TM4SF5: variants seen among roughly 807,000 people sequenced by gnomAD.
TM4SF5 encodes the protein transmembrane 4 L six family member 5.
A neutral mutation model predicts 22.3 loss-of-function variants in TM4SF5; 16 were observed. That is an observed-to-expected ratio of 0.72 (90% CI 0.49 to 1.09). The LOEUF (loss-of-function observed/expected upper bound fraction) is 1.09, where lower values mean the gene tolerates loss of function less well. Ranked by LOEUF, TM4SF5 falls within the 50% of genes least tolerant of loss-of-function variation. TM4SF5 has a pLI of 0.00. For synonymous variants in TM4SF5, 113 were observed against 109.6 expected (o/e 1.03, Z -0.19); for missense variants, 249 against 266.1 (o/e 0.94, Z 0.45).
At chr17:4,773,195 G>T (rs551018490) in intron 1 of TM4SF5, among the ~76,000 whole-genome samples, 103 of 151,852 alleles carry the variant, frequency 6.8e-4, no homozygotes, top group South Asian at 1.7e-3. Flanking sequence ...GTGAGCCACC[G>T]CCCCAGCTTA....
chr17:4,782,442 G>C, intron 2 of TM4SF5, 61 bp from the exon 3 acceptor site: 4 of 1,597,142 alleles, frequency 2.5e-6, no homozygotes, highest in Non-Finnish European at 3.4e-6. Context: ...GGCTGGCGCT[G>C]AGCGTCGTCA....
intron 1 of TM4SF5, 54 bp downstream of exon 1, chr17:4,772,153 G>T (rs1395251419): frequency 1.9e-6 from 3 of 1,601,926 alleles, no homozygotes; most frequent in Non-Finnish European, 2.6e-6. Flanking sequence ...CACCTAAGGG[G>T]TTCTGAACAG....
chr17:4,782,160 G>C (rs949658302), intron 2 of TM4SF5, among the ~76,000 whole-genome samples: 11 of 150,350 alleles, frequency 7.3e-5, no homozygotes, highest in Non-Finnish European at 1.6e-4. Context: ...GCAGTGGTGC[G>C]ATCTCGGCTC....
chr17:4,778,399 G>C (rs965875786), intron 1 of TM4SF5, among the ~76,000 whole-genome samples: 3 of 152,110 alleles, frequency 2.0e-5, no homozygotes, highest in African/African-American at 7.2e-5. Context: ...AGGATTGCTT[G>C]AGCCCAGGAG....
At chr17:4,781,074 G>A (rs577428376) in intron 2 of TM4SF5, among the ~76,000 whole-genome samples, 87 of 151,596 alleles carry the variant, frequency 5.7e-4, no homozygotes, top group African/African-American at 2.0e-3. Flanking sequence ...CGGCTACTTG[G>A]GAGGCTGAGG....
intron 1 of TM4SF5, among the ~76,000 whole-genome samples, chr17:4,776,916 T>A (rs932646751): frequency 6.6e-6 from 1 of 152,124 alleles, no homozygotes; most frequent in Non-Finnish European, 1.5e-5. Context: ...AAGACCAAAC[T>A]GAGCTGGGCG....
intron 1 of TM4SF5, among the ~76,000 whole-genome samples, chr17:4,774,256 G>GAC (rs1204328072): frequency 6.6e-6 from 1 of 151,108 alleles, no homozygotes; most frequent in Non-Finnish European, 1.5e-5. Flanking sequence ...ATATCACAGG[G>GAC]ACACAGACAG....
At chr17:4,782,123 G>A (rs372628982) in intron 2 of TM4SF5, among the ~76,000 whole-genome samples, 20 of 150,472 alleles carry the variant, frequency 1.3e-4, no homozygotes, top group African/African-American at 2.9e-4. Flanking sequence ...TTGAGACGGG[G>A]TCTGGCTCTG....
At chr17:4,782,733 C>T in intron 3 of TM4SF5, 94 bp downstream of exon 3, 1 of 1,577,750 alleles carries the variant, frequency 6.3e-7, no homozygotes, top group Non-Finnish European at 8.6e-7. Context: ...GACTCGACTT[C>T]GAGGGCACTC....
At chr17:4,773,018 C>T (rs1372506035) in intron 1 of TM4SF5, among the ~76,000 whole-genome samples, 2 of 152,176 alleles carry the variant, frequency 1.3e-5, no homozygotes, top group Non-Finnish European at 2.9e-5. Context: ...AATTCTCCTG[C>T]CTCAGCCTCC....
At chr17:4,782,777 C>A (rs1260971793) in intron 3 of TM4SF5, 77 bp from the exon 4 acceptor site, 38 of 1,573,490 alleles carry the variant, frequency 2.4e-5, no homozygotes, top group Admixed American at 5.3e-5. Context: ...TTAGCAAATC[C>A]CCTGGGACGT....
At chr17:4,780,988 A>G in intron 2 of TM4SF5, 119 bp downstream of exon 2, 2 of 808,118 alleles carry the variant, frequency 2.5e-6, no homozygotes, top group Non-Finnish European at 2.0e-6. Context: ...AGACCAGCCC[A>G]GGAAACATGG....
chr17:4,780,753 G>C (rs747268352), intron 1 of TM4SF5, 36 bp from the exon 2 acceptor site: 4 of 1,572,826 alleles, frequency 2.5e-6, no homozygotes, highest in Non-Finnish European at 3.5e-6. Context: ...GGAGGATCTG[G>C]GGGGACGTGC....
At chr17:4,777,410 CA>C (rs1917227076) in intron 1 of TM4SF5, among the ~76,000 whole-genome samples, 1 of 152,066 alleles carries the variant, frequency 6.6e-6, no homozygotes. Flanking sequence ...GCACATACTA[CA>C]AAGGGAAGCA....
intron 1 of TM4SF5, among the ~76,000 whole-genome samples, chr17:4,775,364 T>C (rs548252172): frequency 2.6e-5 from 4 of 151,872 alleles, no homozygotes; most frequent in Admixed American, 2.6e-4. Flanking sequence ...GTTCACGCCA[T>C]TCTCCTGCCT....
intron 1 of TM4SF5, among the ~76,000 whole-genome samples, chr17:4,776,082 C>T (rs1158054249): frequency 1.3e-5 from 2 of 151,968 alleles, no homozygotes; most frequent in Non-Finnish European, 2.9e-5. Context: ...CTCCCGACCT[C>T]AGGTGATCCA....
At chr17:4,776,536 A>C (rs1288862268) in intron 1 of TM4SF5, among the ~76,000 whole-genome samples, 1 of 152,118 alleles carries the variant, frequency 6.6e-6, no homozygotes, top group Non-Finnish European at 1.5e-5. Context: ...TCCCAACCTT[A>C]GGTGATCCGC....
chr17:4,782,435 T>C, intron 2 of TM4SF5, 68 bp from the exon 3 acceptor site: 1 of 1,583,288 alleles, frequency 6.3e-7, no homozygotes, highest in Non-Finnish European at 8.6e-7. Context: ...GCGTGGGGGC[T>C]GGCGCTGAGC....
rs1264908921 is a variant in TM4SF5 at position 4,772,041 on chromosome 17, C to G, written c.119C>G (p.Thr40Ser). ...VPNGETSWTN[T>S]NHLSLQVWLM... ...AATGGGGAGACCTCCTGGACCAACA[C>G]CAACCATCTCAGCTTGCAAGTCTGG... Residue 40 changes from threonine to serine, a missense_variant, in exon 1 of 5, where the codon ACC becomes AGC. Transcript: ENST00000270560. The G allele has an allele frequency of 3.1e-6, 5 of 1,614,214 alleles. No individual in the cohort carries two copies. Among genetic ancestry groups the G allele is most frequent in the Middle Eastern group, 3.3e-4 (2 of 6,062 alleles).
Sources: gnomAD v4.1 joint callset for allele counts (sites outside exome capture counted in the v4.1 genomes callset) on GRCh38, gnomAD v4.1.1 for gene constraint, MANE v1.5 for transcripts, NCBI Gene and HGNC (gene_info 2026-07-23, HGNC 2026-07-21) for gene names.